The following PTPRS variants were observed in gnomAD, a reference collection of about 807,000 sequenced individuals.
The protein encoded by PTPRS is protein tyrosine phosphatase receptor type S, also known as receptor-type tyrosine-protein phosphatase S.
A neutral mutation model predicts 215.3 loss-of-function variants in PTPRS; 63 were observed. That is an observed-to-expected ratio of 0.29 (90% CI 0.24 to 0.36). The LOEUF is 0.36. Among genes scored for constraint, PTPRS ranks in the 10% least tolerant of loss-of-function variants. PTPRS has a pLI of 1.00. For missense variants in PTPRS, 2,258 were observed against 2,825.8 expected (o/e 0.80, Z 4.56); for synonymous variants, 1,404 against 1,191.4 (o/e 1.18, Z -3.68).
intron 9 of PTPRS, among the ~76,000 whole-genome samples, chr19:5,250,462 C>T (rs1425705620): frequency 3.3e-5 from 5 of 152,092 alleles, no homozygotes; most frequent in South Asian, 2.1e-4. Context: ...GCCCACGGGA[C>T]GGAGAGGCCC....
chr19:5,280,615 G>A (rs973139039), intron 2 of PTPRS, among the ~76,000 whole-genome samples: 3 of 152,060 alleles, frequency 2.0e-5, no homozygotes, highest in Non-Finnish European at 4.4e-5. Context: ...CAGCTACTTG[G>A]GAGGCTGAGG....
intron 13 of PTPRS, among the ~76,000 whole-genome samples, chr19:5,236,849 G>GAAAAAA (rs1555768237): frequency 2.3e-5 from 3 of 128,244 alleles, no homozygotes; most frequent in African/African-American, 9.4e-5. Context: ...GGAGCAGGGG[G>GAAAAAA]AAAAAAAAAA....
At chr19:5,311,490 G>A (rs1390615919) in intron 1 of PTPRS, among the ~76,000 whole-genome samples, 1 of 152,148 alleles carries the variant, frequency 6.6e-6, no homozygotes, top group Admixed American at 6.6e-5. Context: ...GCCCAGAAAG[G>A]ACACGACGGT....
intron 23 of PTPRS, 138 bp downstream of exon 23, chr19:5,219,172 G>T: frequency 8.4e-7 from 1 of 1,194,622 alleles, no homozygotes; most frequent in Non-Finnish European, 1.2e-6. Context: ...TGATCAAGTG[G>T]CTTAACCTCT....
At position 5,295,629 on chromosome 19, in the gene PTPRS, G is replaced by T. The variant is rs547494235; in HGVS notation, c.-94-9395C>A. ...AGCACAGGTCCACAGTACAAAGGAG[G>T]TTCTCAGCAAACATTTGCACAATCA... On this transcript the variant is annotated intron_variant, in intron 1 of 37. Transcript: ENST00000262963. This position sits in a 1 kb window ranked among gnomAD's most constrained non-coding sequence, Gnocchi z 4.6. 6.6e-6 allele frequency among the ~76,000 whole-genome samples: 1 copy of T among 152,340 alleles called. No homozygotes were observed. The highest frequency in any genetic ancestry group is 1.9e-4 in the East Asian group (1 of 5,188).
At chr19:5,260,938 G>T in intron 6 of PTPRS, 116 bp from the exon 7 acceptor site, 1 of 1,251,590 alleles carries the variant, frequency 8.0e-7, no homozygotes. Context: ...CTGCCCCAGG[G>T]AGGGGATCGA....
intron 5 of PTPRS, 91 bp downstream of exon 5, chr19:5,264,917 C>T (rs1478011368): frequency 1.1e-5 from 16 of 1,427,942 alleles, no homozygotes; most frequent in Non-Finnish European, 1.5e-5. Flanking sequence ...TGTCTGTCCT[C>T]CAGTAGTCCC....
At position 5,287,226 on chromosome 19, in the gene PTPRS, G is replaced by A. The variant is rs1218079592; in HGVS notation, c.-94-992C>T. ...CCACCACATGACAGGTCTCAGCTTA[G>A]CTGTCACTTCCTCAGGAAACCCTTC... is the stretch of plus-strand genomic sequence containing the variant. On this transcript the variant is annotated intron_variant, in intron 1 of 37. Transcript: ENST00000262963. The surrounding 1 kb of genome is among the most constrained non-coding windows in gnomAD (Gnocchi z 4.8). Among the ~76,000 whole-genome samples the A allele has an allele frequency of 3.9e-5, 6 of 152,142 alleles. No individual in the cohort carries two copies. The highest frequency in any genetic ancestry group is 5.9e-5 in the Non-Finnish European group (4 of 68,016).
At chr19:5,326,466 C>A (rs1358201630) in intron 1 of PTPRS, among the ~76,000 whole-genome samples, 4 of 152,182 alleles carry the variant, frequency 2.6e-5, no homozygotes, top group African/African-American at 9.7e-5. Context: ...GGTTTCCGTT[C>A]ACAAGAGCAA....
intron 1 of PTPRS, among the ~76,000 whole-genome samples, chr19:5,325,907 A>G (rs559156630): frequency 6.6e-6 from 1 of 152,380 alleles, no homozygotes; most frequent in Non-Finnish European, 1.5e-5. Context: ...CAGAAAGTCC[A>G]GGAGATGCCC....
chr19:5,250,637 A>AG (rs1178549759), intron 9 of PTPRS, among the ~76,000 whole-genome samples: 1 of 1,574 alleles, frequency 6.4e-4, no homozygotes, highest in Admixed American at 7.1e-3. Flanking sequence ...CGCTTGGGCG[A>AG]GGGGGTCGGG....
At chr19:5,291,561 T>G (rs2048820064) in intron 1 of PTPRS, among the ~76,000 whole-genome samples, 1 of 152,068 alleles carries the variant, frequency 6.6e-6, no homozygotes, top group Non-Finnish European at 1.5e-5. Context: ...CTCTGGGCCC[T>G]TCTTGATGTG....
chr19:5,275,238 CTT>C (rs2047260043), intron 2 of PTPRS, among the ~76,000 whole-genome samples: 1 of 151,414 alleles, frequency 6.6e-6, no homozygotes, highest in African/African-American at 2.4e-5. Flanking sequence ...GCCCGGCTAA[CTT>C]TTTGTATTTT....
At chr19:5,290,480 C>G (rs1010138909) in intron 1 of PTPRS, among the ~76,000 whole-genome samples, 5 of 152,156 alleles carry the variant, frequency 3.3e-5, no homozygotes, top group Non-Finnish European at 7.4e-5. Flanking sequence ...ATGGGTCACG[C>G]GATCTGGGAG....
Position 5,208,284 on chromosome 19 carries a change from C to T in PTPRS, c.5595G>A (p.Lys1865=). The change falls in exon 36 of 38, where the codon AAG becomes AAA. Residue 1865 remains lysine (K), a synonymous_variant. Coordinates refer to ENST00000262963, the MANE Select transcript of PTPRS (RefSeq NM_002850.4). Reference sequence around the variant, plus strand: ...CGTCCTGGCCAAACTGCTCCTTAGTCTTATGCACTTGGCCAATGAAGTCGA... The same window carrying T: ...CGTCCTGGCCAAACTGCTCCTTAGTTTTATGCACTTGGCCAATGAAGTCGA... The part of the protein sequence containing the change: ...GFIDFIGQVH[K]TKEQFGQDGP... 1 of 1,613,778 alleles carries T rather than the reference C, an allele frequency of 6.2e-7. No homozygotes were observed. Among genetic ancestry groups the T allele is most frequent in the Non-Finnish European group, 8.5e-7 (1 of 1,179,792 alleles).
intron 2 of PTPRS, among the ~76,000 whole-genome samples, chr19:5,280,733 A>G (rs1197272743): frequency 6.6e-6 from 1 of 152,030 alleles, no homozygotes; most frequent in Admixed American, 6.6e-5. Flanking sequence ...AAAACAAAAC[A>G]AAACAAAAAA....
At chr19:5,236,740 A>G (rs2043470995) in intron 13 of PTPRS, among the ~76,000 whole-genome samples, 1 of 152,022 alleles carries the variant, frequency 6.6e-6, no homozygotes, top group African/African-American at 2.4e-5. Flanking sequence ...GCAAAACATT[A>G]GAGGCCCCTC....
At chr19:5,218,853 G>A (rs888918185) in intron 23 of PTPRS, 55 bp from the exon 24 acceptor site, 1 of 1,538,686 alleles carries the variant, frequency 6.5e-7, no homozygotes, top group Non-Finnish European at 8.8e-7. Context: ...GAAAGGTGAG[G>A]GTGTGCCGGC....
chr19:5,314,892 G>A (rs1427119479), intron 1 of PTPRS, among the ~76,000 whole-genome samples: 2 of 152,106 alleles, frequency 1.3e-5, no homozygotes, highest in East Asian at 3.9e-4. Context: ...CATTCAGAAC[G>A]TGGTTGCTGG....
Sources: allele counts gnomAD v4.1 joint callset (sites outside exome capture counted in the v4.1 genomes callset), GRCh38; gene constraint gnomAD v4.1.1; non-coding constraint Gnocchi (gnomAD v3.1); transcripts MANE v1.5; gene names NCBI Gene and HGNC (gene_info 2026-07-23, HGNC 2026-07-21).